Variants in RELT observed in about 807,000 individuals in gnomAD.
RELT encodes the protein RELT TNF receptor.
A neutral mutation model predicts 51.1 loss-of-function variants in RELT; 37 were observed. The observed-to-expected ratio is 0.72, with a 90% confidence interval of 0.56 to 0.95. RELT has a LOEUF of 0.95. Among genes scored for constraint, RELT ranks in the 40% least tolerant of loss-of-function variants. RELT has a pLI of 0.00. For synonymous variants in RELT, 241 were observed against 235.7 expected (o/e 1.02, Z -0.21); for missense variants, 535 against 572.6 (o/e 0.93, Z 0.67).
intron 5 of RELT, chr11:73,391,966 A>C: frequency 1.7e-6 from 1 of 585,612 alleles, no homozygotes; most frequent in Non-Finnish European, 3.0e-6. Flanking sequence ...CCCCAGCGTG[A>C]GGGGAGGGTG....
intron 4 of RELT, 92 bp from the exon 5 acceptor site, chr11:73,391,052 C>G: frequency 6.6e-7 from 1 of 1,524,102 alleles, no homozygotes; most frequent in South Asian, 1.1e-5. Flanking sequence ...GGCAGGACCA[C>G]GGAGGGTGCC....
chr11:73,383,810 A>G (rs1866083833), intron 1 of RELT, among the ~76,000 whole-genome samples: 1 of 152,212 alleles, frequency 6.6e-6, no homozygotes, highest in Non-Finnish European at 1.5e-5. Context: ...GCTGGGGTCC[A>G]TTCCTTTCCC....
intron 1 of RELT, among the ~76,000 whole-genome samples, chr11:73,385,412 G>T (rs1407031982): frequency 2.0e-5 from 3 of 152,184 alleles, no homozygotes; most frequent in East Asian, 1.9e-4. Flanking sequence ...GGGTCTGGCC[G>T]TGGCCTTTGC....
At chr11:73,379,140 A>G (rs1195985875) in intron 1 of RELT, among the ~76,000 whole-genome samples, 1 of 152,040 alleles carries the variant, frequency 6.6e-6, no homozygotes, top group African/African-American at 2.4e-5. Context: ...CTCTGCAATG[A>G]CTGGAGCTGT....
At chr11:73,378,099 C>G (rs1865998434) in intron 1 of RELT, among the ~76,000 whole-genome samples, 2 of 152,126 alleles carry the variant, frequency 1.3e-5, no homozygotes, top group South Asian at 2.1e-4. Context: ...GACTTGTTCC[C>G]CAGGAGTGGT....
intron 1 of RELT, among the ~76,000 whole-genome samples, chr11:73,387,764 G>A (rs1303131235): frequency 4.6e-5 from 7 of 152,068 alleles, no homozygotes; most frequent in East Asian, 3.8e-4. Context: ...TGGGAGGGCC[G>A]GGCTGCCTGC....
In RELT at chr11:73,388,894, T is replaced by C. The variant is rs577138900; in HGVS notation, c.-25-218T>C. Among the ~76,000 whole-genome samples the C allele has an allele frequency of 6.6e-6, 1 of 152,330 alleles. No individual in the cohort carries two copies. Among genetic ancestry groups the C allele is most frequent in the South Asian group, 2.1e-4 (1 of 4,822 alleles). ...CTGCAGAGCCTTCTTCCTGCCTTCC[T>C]GCCTGTGCTGCCCCGTGAGGCCGGC... On this transcript the variant is annotated intron_variant, in intron 1 of 10. Coordinates refer to ENST00000064780, the MANE Select transcript of RELT (RefSeq NM_152222.2). The surrounding 1 kb of genome is among the most constrained non-coding windows in gnomAD (Gnocchi z 4.1).
intron 6 of RELT, 159 bp downstream of exon 6, chr11:73,392,627 A>G: frequency 7.1e-7 from 1 of 1,399,316 alleles, no homozygotes; most frequent in Non-Finnish European, 9.5e-7. Context: ...GAGGAAAGGT[A>G]AGGGGACGAA....
In RELT at chr11:73,388,792, C is replaced by T. The variant is rs1866163820; in HGVS notation, c.-25-320C>T. On this transcript the variant is annotated intron_variant, in intron 1 of 10. Coordinates refer to ENST00000064780, the MANE Select transcript of RELT (RefSeq NM_152222.2). This position sits in a 1 kb window ranked among gnomAD's most constrained non-coding sequence, Gnocchi z 4.1. ...ACAGGCCGCCACACGCGCTTCCTTC[C>T]CCTGCTGATGCCTCGGGGCACCTGG... Among the ~76,000 whole-genome samples the T allele has an allele frequency of 6.6e-6, 1 of 152,224 alleles. No homozygotes were observed. Among genetic ancestry groups the T allele is most frequent in the Non-Finnish European group, 1.5e-5 (1 of 68,034 alleles).
rs552430306 is a variant in RELT, at chr11:73,393,985, C to T, written c.706+68C>T. Reference sequence around the variant, plus strand: ...GGGTTTCCTCCAGGAGCCTGTGAGGCAGCCGCGGTGGGCAGAGTCTTGCCC... The same window carrying T: ...GGGTTTCCTCCAGGAGCCTGTGAGGTAGCCGCGGTGGGCAGAGTCTTGCCC... On this transcript the variant is annotated intron_variant, in intron 7 of 10. Transcript: ENST00000064780. 6 of 1,468,958 alleles carry T rather than the reference C, an allele frequency of 4.1e-6. No individual in the cohort carries two copies. The East Asian group carries it at 1.4e-4, about 33-fold the overall frequency. 91.0% of individuals were successfully genotyped at this position (1,468,958 alleles called of 1,614,324 possible). A position where few individuals can be genotyped will look rare whatever the true frequency, so the allele number is the denominator to read the frequency against.
intron 2 of RELT, among the ~76,000 whole-genome samples, chr11:73,390,265 G>A (rs976245351): frequency 6.6e-6 from 1 of 152,152 alleles, no homozygotes; most frequent in African/African-American, 2.4e-5. Flanking sequence ...TGGTTAGCTG[G>A]AAGGGCTTGA....
intron 6 of RELT, 107 bp downstream of exon 6, chr11:73,392,575 G>A (rs144911257): frequency 0.02 from 28,838 of 1,466,688 alleles, 319 homozygotes; most frequent in Middle Eastern, 0.037. Context: ...GGGTCTGAGA[G>A]GGAGAGGCTT....
intron 7 of RELT, 59 bp downstream of exon 7, chr11:73,393,976 C>G: frequency 1.3e-6 from 2 of 1,520,422 alleles, no homozygotes; most frequent in Non-Finnish European, 9.1e-7. Context: ...CCTCCAGGAG[C>G]CTGTGAGGCA....
rs567133375 is a variant in RELT, at chr11:73,385,876, T to A, written c.-25-3236T>A. On this transcript the variant is annotated intron_variant, in intron 1 of 10. Coordinates refer to ENST00000064780, the MANE Select transcript of RELT (RefSeq NM_152222.2). The stretch of plus-strand genomic sequence containing the variant: ...ACCCCGTCTCTACAGAAAATAAATT[T>A]AAAAATTTAGCCAGGCATGGTGGGG... 7.2e-5 allele frequency among the ~76,000 whole-genome samples: 11 copies of A among 152,120 alleles called. No homozygotes were observed. In the South Asian group the frequency reaches 1.7e-3, roughly 23 times the overall value.
intron 6 of RELT, 36 bp downstream of exon 6, chr11:73,392,504 G>A (rs768910062): frequency 1.3e-6 from 2 of 1,594,856 alleles, no homozygotes; most frequent in Non-Finnish European, 1.7e-6. Context: ...GGAAGGACGG[G>A]GGCACGAGCC....
At chr11:73,379,139 G>A (rs551619603) in intron 1 of RELT, among the ~76,000 whole-genome samples, 1 of 152,320 alleles carries the variant, frequency 6.6e-6, no homozygotes, top group East Asian at 1.9e-4. Flanking sequence ...TCTCTGCAAT[G>A]ACTGGAGCTG....
chr11:73,380,836 G>T (rs577170296), intron 1 of RELT, among the ~76,000 whole-genome samples: 30 of 152,180 alleles, frequency 2.0e-4, no homozygotes, highest in Non-Finnish European at 4.0e-4. Flanking sequence ...ACTCAGGATC[G>T]ATGGGGGAGC....
At chr11:73,393,794 G>A in intron 6 of RELT, 43 bp from the exon 7 acceptor site, 1 of 1,593,682 alleles carries the variant, frequency 6.3e-7, no homozygotes, top group East Asian at 2.2e-5. Flanking sequence ...CAGGAGTGCG[G>A]CTTCCCCCTC....
chr11:73,382,350 G>A (rs990920479), intron 1 of RELT, among the ~76,000 whole-genome samples: 2 of 152,250 alleles, frequency 1.3e-5, no homozygotes, highest in African/African-American at 2.4e-5. Flanking sequence ...GTGATTGGGG[G>A]CAGGGCCCAT....
Sources: allele counts gnomAD v4.1 joint callset (sites outside exome capture counted in the v4.1 genomes callset), GRCh38; gene constraint gnomAD v4.1.1; non-coding constraint Gnocchi (gnomAD v3.1); transcripts MANE v1.5; gene names NCBI Gene and HGNC (gene_info 2026-07-23, HGNC 2026-07-21).